Variants in JAKMIP2 observed in about 807,000 individuals in gnomAD.
JAKMIP2 encodes the protein janus kinase and microtubule interacting protein 2.
In JAKMIP2, 25 loss-of-function variants were observed where a neutral mutation model predicts 115.0. That is an observed-to-expected ratio of 0.22 (90% CI 0.16 to 0.30). JAKMIP2 has a LOEUF of 0.30. JAKMIP2 is among the 10% of genes least tolerant of loss of function. JAKMIP2 has a pLI of 1.00. For missense variants in JAKMIP2, 642 were observed against 957.6 expected, an observed-to-expected ratio of 0.67 and a Z score of 4.35; for synonymous variants, 334 against 343.6, an observed-to-expected ratio of 0.97 and a Z score of 0.31.
intron 5 of JAKMIP2, among the ~76,000 whole-genome samples, chr5:147,646,400 T>A (rs1461173415): frequency 1.3e-5 from 2 of 152,164 alleles, no homozygotes; most frequent in African/African-American, 4.8e-5. Context: ...TATTTTTTAA[T>A]CTGTCTCTTC....
chr5:147,773,500 G>A (rs1017994470), intron 1 of JAKMIP2, among the ~76,000 whole-genome samples: 7 of 152,120 alleles, frequency 4.6e-5, no homozygotes, highest in Non-Finnish European at 8.8e-5. Context: ...AATGACCAGC[G>A]AGTGGCTAGA....
intron 17 of JAKMIP2, 51 bp downstream of exon 17, chr5:147,623,570 T>A: frequency 8.2e-7 from 1 of 1,224,452 alleles, no homozygotes; most frequent in African/African-American, 1.5e-5. Flanking sequence ...TAATTTTCCA[T>A]TTGCCTTGTA....
intron 1 of JAKMIP2, among the ~76,000 whole-genome samples, chr5:147,721,775 G>T (rs918948018): frequency 3.3e-5 from 5 of 152,262 alleles, no homozygotes; most frequent in South Asian, 4.1e-4. Flanking sequence ...GATGAACCCG[G>T]TACCTCAGAT....
chr5:147,716,160 C>T (rs1027110096), intron 1 of JAKMIP2, among the ~76,000 whole-genome samples: 7 of 143,682 alleles, frequency 4.9e-5, no homozygotes, highest in African/African-American at 1.6e-4. Context: ...CATGTCCCTA[C>T]AAAGGACATG....
chr5:147,644,541 T>C (rs1400139094), intron 6 of JAKMIP2, among the ~76,000 whole-genome samples: 1 of 152,178 alleles, frequency 6.6e-6, no homozygotes. Flanking sequence ...GGTCTGTAAA[T>C]AGCATGTTAG....
intron 1 of JAKMIP2, among the ~76,000 whole-genome samples, chr5:147,748,727 G>A (rs1754444004): frequency 6.6e-6 from 1 of 152,138 alleles, no homozygotes; most frequent in Admixed American, 6.5e-5. Flanking sequence ...CTTAGGGTGG[G>A]GGTGGCCATG....
chr5:147,626,617 G>A (rs1384635493), intron 16 of JAKMIP2, among the ~76,000 whole-genome samples: 2 of 152,178 alleles, frequency 1.3e-5, no homozygotes, highest in African/African-American at 4.8e-5. Context: ...GTTAGAAAGT[G>A]CCTATCTCAA....
intron 21 of JAKMIP2, among the ~76,000 whole-genome samples, chr5:147,593,928 C>T (rs1334443049): frequency 6.6e-6 from 1 of 152,088 alleles, no homozygotes; most frequent in African/African-American, 2.4e-5. Flanking sequence ...TATACAAACA[C>T]AAAAAGTCTT....
At position 147,764,971 on chromosome 5, in the gene JAKMIP2, AGAGAGAGAGAGAGAGAGAGG is replaced by A. The variant is rs1561582781; in HGVS notation, c.-149+17465_-149+17484del. 1.0e-3 allele frequency among the ~76,000 whole-genome samples: 92 copies of A among 88,428 alleles called. 5 individuals are homozygous for A. Among genetic ancestry groups the A allele is most frequent in the East Asian group, 5.0e-3 (15 of 2,990 alleles). The allele number at this position is 88,428 out of a possible 152,430, so 58.0% of individuals were successfully genotyped here. Reference sequence around the variant, plus strand: ...GGGAGAGAGAGAGAGAGAGAGGGGGAGAGAGAGAGAGAGAGAGAGGGAGAGAGAGAGAGAGAGAGAAAGGG... The same window carrying A: ...GGGAGAGAGAGAGAGAGAGAGGGGGAGAGAGAGAGAGAGAGAGAGAAAGGG... On this transcript the variant is annotated intron_variant, in intron 1 of 21. Transcript: ENST00000616793.
intron 12 of JAKMIP2, among the ~76,000 whole-genome samples, chr5:147,635,618 A>G (rs748962392): frequency 9.9e-5 from 15 of 151,882 alleles, no homozygotes; most frequent in Non-Finnish European, 1.8e-4. Flanking sequence ...CTGGAGTGCA[A>G]TTGCGCAATC....
chr5:147,697,906 C>A (rs1187707266), intron 1 of JAKMIP2, among the ~76,000 whole-genome samples: 1 of 152,226 alleles, frequency 6.6e-6, no homozygotes, highest in Non-Finnish European at 1.5e-5. Flanking sequence ...AGAGTCACCA[C>A]TGGGGCACTG....
At chr5:147,680,583 C>T (rs1760206623) in intron 1 of JAKMIP2, among the ~76,000 whole-genome samples, 1 of 152,190 alleles carries the variant, frequency 6.6e-6, no homozygotes, top group Admixed American at 6.5e-5. Context: ...CTTCTTAGTT[C>T]TTCTAAGCCT....
chr5:147,640,480 A>T (rs1757830162), intron 9 of JAKMIP2, among the ~76,000 whole-genome samples: 1 of 152,196 alleles, frequency 6.6e-6, no homozygotes, highest in Non-Finnish European at 1.5e-5. Context: ...GAAGTCTTCA[A>T]ATTAGAGAGT....
At chr5:147,737,857 T>A (rs1753983899) in intron 1 of JAKMIP2, among the ~76,000 whole-genome samples, 1 of 152,198 alleles carries the variant, frequency 6.6e-6, no homozygotes, top group African/African-American at 2.4e-5. Context: ...GAACGTTAGA[T>A]TTAAGATGGT....
At chr5:147,766,809 G>C (rs1018109567) in intron 1 of JAKMIP2, among the ~76,000 whole-genome samples, 3 of 152,096 alleles carry the variant, frequency 2.0e-5, no homozygotes, top group African/African-American at 7.2e-5. Context: ...CCTCTAAAAA[G>C]GGAAAGCTAG....
At chr5:147,596,528 G>T (rs1158774276) in intron 21 of JAKMIP2, among the ~76,000 whole-genome samples, 2 of 152,180 alleles carry the variant, frequency 1.3e-5, no homozygotes, top group Non-Finnish European at 2.9e-5. Context: ...TCTATTCATG[G>T]TTCTGATCTA....
intron 1 of JAKMIP2, among the ~76,000 whole-genome samples, chr5:147,696,577 A>G (rs1752116626): frequency 1.3e-5 from 2 of 152,176 alleles, no homozygotes; most frequent in Admixed American, 1.3e-4. Context: ...CTAATACAGT[A>G]AATTGGTACT....
At chr5:147,720,916 A>G (rs1338809324) in intron 1 of JAKMIP2, among the ~76,000 whole-genome samples, 2 of 152,060 alleles carry the variant, frequency 1.3e-5, no homozygotes, top group Non-Finnish European at 2.9e-5. Flanking sequence ...TTGGAGGAGG[A>G]GAGGCGCTCT....
At chr5:147,613,732 A>G (rs1460066279) in intron 19 of JAKMIP2, among the ~76,000 whole-genome samples, 2 of 152,184 alleles carry the variant, frequency 1.3e-5, no homozygotes, top group African/African-American at 4.8e-5. Context: ...TCCCCCTAAA[A>G]AAGAATAAAG....
Sources: gnomAD v4.1 joint callset for allele counts (sites outside exome capture counted in the v4.1 genomes callset) on GRCh38, gnomAD v4.1.1 for gene constraint, MANE v1.5 for transcripts, NCBI Gene and HGNC (gene_info 2026-07-23, HGNC 2026-07-21) for gene names.